The following THSD4 variants were observed in gnomAD, a reference collection of about 807,000 sequenced individuals.
The protein encoded by THSD4 is thrombospondin type-1 domain-containing protein 4.
Under a neutral mutation model 119.0 loss-of-function variants are expected in THSD4, and 69 were observed. That is an observed-to-expected ratio of 0.58 (90% CI 0.48 to 0.71). The LOEUF (loss-of-function observed/expected upper bound fraction) is 0.71, where lower values mean the gene tolerates loss of function less well. THSD4 is among the 30% of genes least tolerant of loss of function. The pLI is 0.00. For missense variants in THSD4, 1,393 were observed against 1,391.1 expected, an observed-to-expected ratio of 1.00 and a Z score of -0.02; for synonymous variants, 524 against 540.4, an observed-to-expected ratio of 0.97 and a Z score of 0.42.
At chr15:71,268,944 C>G (rs906012609) in intron 6 of THSD4, among the ~76,000 whole-genome samples, 2 of 152,108 alleles carry the variant, frequency 1.3e-5, no homozygotes, top group Non-Finnish European at 2.9e-5. Flanking sequence ...ATACCAATAA[C>G]AAGGTCTGAA....
intron 7 of THSD4, among the ~76,000 whole-genome samples, chr15:71,527,915 G>A (rs1004365184): frequency 3.3e-5 from 5 of 151,912 alleles, no homozygotes; most frequent in African/African-American, 9.7e-5. Flanking sequence ...GTCTTGCCAT[G>A]TTGCCCAGGC....
intron 6 of THSD4, among the ~76,000 whole-genome samples, chr15:71,328,709 G>C (rs1286728114): frequency 6.6e-6 from 1 of 152,170 alleles, no homozygotes; most frequent in Non-Finnish European, 1.5e-5. Flanking sequence ...TCAGACAGTT[G>C]GTGCTGTTTA....
At chr15:71,746,721 G>C (rs1480026558) in intron 12 of THSD4, 117 bp from the exon 13 acceptor site, 10 of 1,138,202 alleles carry the variant, frequency 8.8e-6, no homozygotes, top group Non-Finnish European at 1.3e-5. Context: ...CAATGCTCTA[G>C]TAAGAAACTC....
intron 7 of THSD4, among the ~76,000 whole-genome samples, chr15:71,475,899 G>C (rs1411384054): frequency 6.6e-6 from 1 of 151,962 alleles, no homozygotes; most frequent in Non-Finnish European, 1.5e-5. Flanking sequence ...TGCAACTCTA[G>C]CCTGGGTGAC....
intron 7 of THSD4, among the ~76,000 whole-genome samples, chr15:71,544,506 A>G (rs1166266749): frequency 1.3e-5 from 2 of 152,186 alleles, no homozygotes; most frequent in Non-Finnish European, 2.9e-5. Flanking sequence ...GTGGAAAATA[A>G]TAAGTGTTGT....
chr15:71,174,973 G>A (rs866648105), intron 3 of THSD4, among the ~76,000 whole-genome samples: 3,324 of 150,064 alleles, frequency 0.022, 129 homozygotes, highest in African/African-American at 0.077. Flanking sequence ...CATCCACACC[G>A]AAAACCCATC....
chr15:71,188,513 G>C (rs1423402846), intron 3 of THSD4, among the ~76,000 whole-genome samples: 1 of 152,092 alleles, frequency 6.6e-6, no homozygotes, highest in Non-Finnish European at 1.5e-5. Flanking sequence ...TGAACAGGAG[G>C]ATTCAACTGG....
chr15:71,405,694 G>T (rs2046595935), intron 6 of THSD4, among the ~76,000 whole-genome samples: 1 of 152,106 alleles, frequency 6.6e-6, no homozygotes. Context: ...AAATAAGAGG[G>T]CATTTGGTAG....
At chr15:71,589,619 A>G (rs2049756973) in intron 7 of THSD4, among the ~76,000 whole-genome samples, 1 of 139,310 alleles carries the variant, frequency 7.2e-6, no homozygotes, top group Non-Finnish European at 1.6e-5. Flanking sequence ...CAGCCTCCCA[A>G]AGTGCTGATA....
chr15:71,640,036 T>C (rs1427074347), intron 7 of THSD4, among the ~76,000 whole-genome samples: 1 of 152,070 alleles, frequency 6.6e-6, no homozygotes, highest in African/African-American at 2.4e-5. Context: ...AAAATACTAG[T>C]ATTGGGGGCT....
intron 8 of THSD4, among the ~76,000 whole-genome samples, chr15:71,661,900 A>G (rs1358258034): frequency 6.6e-6 from 1 of 152,186 alleles, no homozygotes; most frequent in Non-Finnish European, 1.5e-5. Flanking sequence ...AATTCTCTCA[A>G]CAGGGAAAAG....
chr15:71,620,494 A>T (rs2050401654), intron 7 of THSD4, among the ~76,000 whole-genome samples: 3 of 152,038 alleles, frequency 2.0e-5, no homozygotes, highest in Middle Eastern at 6.8e-3. Context: ...AGTCCCAGCT[A>T]CTCAGGAGAC....
chr15:71,227,288 C>T (rs1172992696), intron 4 of THSD4, among the ~76,000 whole-genome samples: 1 of 152,204 alleles, frequency 6.6e-6, no homozygotes, highest in African/African-American at 2.4e-5. Flanking sequence ...TGAACTTTCT[C>T]CAAGTCATTC....
chr15:71,236,473 AGAT>A (rs2044106429), intron 4 of THSD4, among the ~76,000 whole-genome samples: 1 of 152,218 alleles, frequency 6.6e-6, no homozygotes, highest in Non-Finnish European at 1.5e-5. Flanking sequence ...CTCACACAAT[AGAT>A]GAGACTTCTG....
At chr15:71,157,850 T>C (rs768934053) in intron 3 of THSD4, among the ~76,000 whole-genome samples, 10 of 152,288 alleles carry the variant, frequency 6.6e-5, no homozygotes, top group Non-Finnish European at 1.0e-4. Flanking sequence ...TTCCATTGTG[T>C]ATATATACAC....
chr15:71,523,450 A>G (rs1366163711), intron 7 of THSD4, among the ~76,000 whole-genome samples: 7 of 152,214 alleles, frequency 4.6e-5, no homozygotes, highest in Admixed American at 4.6e-4. Context: ...TGACCTCATT[A>G]TGAGATCCTT....
chr15:71,676,719 A>G (rs1323780581), intron 8 of THSD4, among the ~76,000 whole-genome samples: 2 of 152,184 alleles, frequency 1.3e-5, no homozygotes, highest in Non-Finnish European at 2.9e-5. Flanking sequence ...GTAGAATCAC[A>G]CAGTATCTGT....
At chr15:71,666,497 G>A (rs2141006134) in intron 8 of THSD4, among the ~76,000 whole-genome samples, 1 of 152,166 alleles carries the variant, frequency 6.6e-6, no homozygotes, top group South Asian at 2.1e-4. Flanking sequence ...GTTAATAACA[G>A]TAGTCATACC....
At chr15:71,423,978 A>AGTC (rs2046839469) in intron 7 of THSD4, among the ~76,000 whole-genome samples, 1 of 152,078 alleles carries the variant, frequency 6.6e-6, no homozygotes, top group African/African-American at 2.4e-5. Context: ...TCCAATACAA[A>AGTC]GTCCCACATC....
Sources: gnomAD v4.1 joint callset for allele counts (sites outside exome capture counted in the v4.1 genomes callset) on GRCh38, gnomAD v4.1.1 for gene constraint, MANE v1.5 for transcripts, NCBI Gene and HGNC (gene_info 2026-07-23, HGNC 2026-07-21) for gene names.